The following EPB41L4A variants were observed in gnomAD, a reference collection of about 807,000 sequenced individuals.
EPB41L4A encodes band 4.1-like protein 4A.
A neutral mutation model predicts 108.6 loss-of-function variants in EPB41L4A; 100 were observed. The observed-to-expected ratio is 0.92, with a 90% CI of 0.78 to 1.09. The LOEUF (loss-of-function observed/expected upper bound fraction) is 1.09, where lower values mean the gene tolerates loss of function less well. EPB41L4A is among the 50% of genes least tolerant of loss of function. EPB41L4A has a pLI of 0.00. For missense variants in EPB41L4A, 1,030 were observed against 842.7 expected, an observed-to-expected ratio of 1.22 and a Z score of -2.75; for synonymous variants, 319 against 289.0, an observed-to-expected ratio of 1.10 and a Z score of -1.05.
chr5:112,384,841 G>T (rs185047379), intron 1 of EPB41L4A, among the ~76,000 whole-genome samples: 1 of 152,150 alleles, frequency 6.6e-6, no homozygotes, highest in African/African-American at 2.4e-5. Context: ...AATCACAATG[G>T]AATTTTGCCT....
At chr5:112,186,951 T>A (rs1761459934) in intron 17 of EPB41L4A, among the ~76,000 whole-genome samples, 1 of 152,342 alleles carries the variant, frequency 6.6e-6, no homozygotes, top group East Asian at 1.9e-4. Context: ...AAAAGATATG[T>A]TTACTGTGAT....
At chr5:112,284,826 C>G (rs1753178980) in intron 2 of EPB41L4A, among the ~76,000 whole-genome samples, 1 of 152,194 alleles carries the variant, frequency 6.6e-6, no homozygotes, top group South Asian at 2.1e-4. Flanking sequence ...ACCCGGAGAG[C>G]AATGACAGAC....
At chr5:112,400,183 A>G (rs899932392) in intron 1 of EPB41L4A, among the ~76,000 whole-genome samples, 3 of 152,142 alleles carry the variant, frequency 2.0e-5, no homozygotes, top group Non-Finnish European at 4.4e-5. Context: ...GGTAGGAAAG[A>G]GAGAGGGGGG....
intron 2 of EPB41L4A, among the ~76,000 whole-genome samples, chr5:112,290,633 G>T (rs1753584183): frequency 6.6e-6 from 1 of 152,114 alleles, no homozygotes; most frequent in Non-Finnish European, 1.5e-5. Flanking sequence ...GATAAGTGAG[G>T]CATCACTGTA....
intron 2 of EPB41L4A, among the ~76,000 whole-genome samples, chr5:112,288,492 A>G (rs931154293): frequency 2.0e-5 from 3 of 152,180 alleles, no homozygotes; most frequent in African/African-American, 7.2e-5. Flanking sequence ...AGACAACAGA[A>G]CCAAGAGCCG....
At chr5:112,156,625 C>T (rs545407508) in intron 12 of EPB41L4A, among the ~76,000 whole-genome samples, 2 of 152,296 alleles carry the variant, frequency 1.3e-5, no homozygotes, top group African/African-American at 4.8e-5. Context: ...AAGACACACC[C>T]AGAAATAATG....
intron 17 of EPB41L4A, among the ~76,000 whole-genome samples, chr5:112,187,929 A>G (rs1244323601): frequency 6.6e-6 from 1 of 152,214 alleles, no homozygotes; most frequent in Non-Finnish European, 1.5e-5. Context: ...GACCTTGGAC[A>G]AACTGCTTAT....
intron 19 of EPB41L4A, 148 bp downstream of exon 19, chr5:112,170,797 C>G: frequency 1.0e-5 from 7 of 686,018 alleles, no homozygotes; most frequent in South Asian, 9.1e-5. Flanking sequence ...GGCACCACCA[C>G]CATGTGCTCC....
At chr5:112,219,739 A>G (rs1186013748) in intron 12 of EPB41L4A, among the ~76,000 whole-genome samples, 1 of 152,232 alleles carries the variant, frequency 6.6e-6, no homozygotes, top group Non-Finnish European at 1.5e-5. Flanking sequence ...TCTGTTGCCT[A>G]CGCTGGAGTG....
chr5:112,168,212 T>C (rs985535316), intron 22 of EPB41L4A, among the ~76,000 whole-genome samples: 1 of 152,222 alleles, frequency 6.6e-6, no homozygotes, highest in African/African-American at 2.4e-5. Context: ...ATTATCAAAT[T>C]CAGCTAAGTG....
At chr5:112,395,497 GCTC>G (rs1468436177) in intron 1 of EPB41L4A, among the ~76,000 whole-genome samples, 1 of 152,306 alleles carries the variant, frequency 6.6e-6, no homozygotes, top group East Asian at 1.9e-4. Flanking sequence ...ATGAAAAAAT[GCTC>G]ATCATCACTG....
At chr5:112,368,147 A>G (rs1309681414) in intron 1 of EPB41L4A, among the ~76,000 whole-genome samples, 2 of 152,212 alleles carry the variant, frequency 1.3e-5, no homozygotes, top group African/African-American at 4.8e-5. Context: ...GTCTTTTATT[A>G]TATTATTACT....
chr5:112,174,909 C>T (rs1000150100), intron 18 of EPB41L4A, among the ~76,000 whole-genome samples: 4 of 152,280 alleles, frequency 2.6e-5, no homozygotes, highest in Non-Finnish European at 4.4e-5. Flanking sequence ...ACATTCCTGA[C>T]GGGTCAAAAT....
At chr5:112,409,122 C>T (rs1201796618) in intron 1 of EPB41L4A, among the ~76,000 whole-genome samples, 1 of 152,056 alleles carries the variant, frequency 6.6e-6, no homozygotes, top group Non-Finnish European at 1.5e-5. Context: ...AAATATAGTA[C>T]ATCCATACAA....
At chr5:112,394,215 A>G (rs1230694581) in intron 1 of EPB41L4A, among the ~76,000 whole-genome samples, 1 of 152,230 alleles carries the variant, frequency 6.6e-6, no homozygotes, top group Non-Finnish European at 1.5e-5. Context: ...CTCCTATTCA[A>G]CATAGTGTTG....
Position 112,264,986 on chromosome 5 carries a change from T to C in EPB41L4A, c.464A>G (p.His155Arg). Reference sequence around the variant, plus strand: ...GTACTCAGATACATATCCTGCAGTATGTTTATATGGGTCATAATCTCCAAG... The same window carrying C: ...GTACTCAGATACATATCCTGCAGTACGTTTATATGGGTCATAATCTCCAAG... Reference protein sequence around the residue: ...SELGDYDPYKHTAGYVSEYRF... With the variant: ...SELGDYDPYKRTAGYVSEYRF... The change falls in exon 6 of 23, where the codon CAT (histidine) becomes CGT (arginine). Residue 155 changes from histidine (H) to arginine (R), a missense_variant. Transcript: ENST00000261486. The C allele has an allele frequency of 6.2e-7, 1 of 1,609,156 alleles. No homozygotes were observed. Among genetic ancestry groups the C allele is most frequent in the South Asian group, 1.1e-5 (1 of 89,816 alleles).
chr5:112,143,567 A>G (rs554622436), exon 14 of EPB41L4A: 3 of 172,122 alleles, frequency 1.7e-5, no homozygotes, highest in East Asian at 3.3e-4. Flanking sequence ...CCAGACCTCA[A>G]TATCACCATT....
intron 12 of EPB41L4A, among the ~76,000 whole-genome samples, chr5:112,151,842 C>T (rs1361287538): frequency 3.3e-5 from 5 of 152,002 alleles, no homozygotes; most frequent in African/African-American, 1.2e-4. Context: ...GCTATTCTCC[C>T]GCCTCAGCCT....
Position 112,215,827 on chromosome 5 carries a change from C to A in EPB41L4A, c.1088-5845G>T, listed in dbSNP as rs935513882. On this transcript the variant is annotated intron_variant, in intron 12 of 22. Transcript: ENST00000261486. ...CAAAGCTTAATTCCAAAAGGCTGCT[C>A]GTATTTTGAAGAGTATGTCAGTCGG... Among the ~76,000 whole-genome samples, 3 of 151,170 alleles carry A rather than the reference C, an allele frequency of 2.0e-5. No individual in the cohort carries two copies. In the East Asian group the frequency reaches 5.8e-4, roughly 29 times the overall value.
Sources: allele counts gnomAD v4.1 joint callset (sites outside exome capture counted in the v4.1 genomes callset), GRCh38; gene constraint gnomAD v4.1.1; transcripts MANE v1.5; gene names NCBI Gene and HGNC (gene_info 2026-07-23, HGNC 2026-07-21).